CACNA2D2: variants seen among roughly 807,000 people sequenced by gnomAD.
CACNA2D2 encodes the protein voltage-dependent calcium channel subunit alpha-2/delta-2.
A neutral mutation model predicts 166.4 loss-of-function variants in CACNA2D2; 48 were observed. The ratio of observed to expected loss-of-function variants is 0.29; its 90% CI spans 0.23 to 0.37. CACNA2D2 has a LOEUF of 0.37. CACNA2D2 is among the 10% of genes least tolerant of loss of function. The probability of loss-of-function intolerance (pLI) is 1.00; values close to 1 mark genes in which losing one functional copy is unlikely to be tolerated. For missense variants in CACNA2D2, 1,122 were observed against 1,433.0 expected (o/e 0.78, Z 3.50); for synonymous variants, 561 against 573.7 (o/e 0.98, Z 0.32).
At chr3:50,382,637 C>G (rs888370417) in intron 6 of CACNA2D2, among the ~76,000 whole-genome samples, 1 of 152,238 alleles carries the variant, frequency 6.6e-6, no homozygotes, top group Admixed American at 6.5e-5. Context: ...AATTTAGAAA[C>G]TTAGTGAGTT....
At chr3:50,402,592 C>G (rs1280910047) in intron 3 of CACNA2D2, among the ~76,000 whole-genome samples, 1 of 152,220 alleles carries the variant, frequency 6.6e-6, no homozygotes, top group Non-Finnish European at 1.5e-5. Context: ...TCAAGGAACC[C>G]AGAGCTGAAG....
At position 50,365,758 on chromosome 3, in the gene CACNA2D2, G is replaced by A; in HGVS notation, c.2915+52C>T. ...ATGCCATGCCCTACTTCTCTTCTGA[G>A]CCCTCCCGGCCAGGGAGCACCTTCT... On this transcript the variant is annotated intron_variant, in intron 33 of 37. Transcript: ENST00000424201. This position sits in a 1 kb window ranked among gnomAD's most constrained non-coding sequence, Gnocchi z 4.5. 3 of 1,610,930 alleles carry A rather than the reference G, an allele frequency of 1.9e-6. No individual in the cohort carries two copies. In the South Asian group the frequency reaches 3.3e-5, roughly 18 times the overall value.
chr3:50,497,703 C>G (rs1698780236), intron 1 of CACNA2D2, among the ~76,000 whole-genome samples: 1 of 152,138 alleles, frequency 6.6e-6, no homozygotes, highest in Non-Finnish European at 1.5e-5. Flanking sequence ...CAAGAGACCC[C>G]TGTGGGGACC....
At chr3:50,450,847 C>A (rs79183523) in intron 2 of CACNA2D2, among the ~76,000 whole-genome samples, 3 of 152,164 alleles carry the variant, frequency 2.0e-5, no homozygotes, top group Admixed American at 6.5e-5. Flanking sequence ...CCACACTGGC[C>A]GATGTCACGG....
chr3:50,475,642 C>A (rs1398287852), intron 2 of CACNA2D2, among the ~76,000 whole-genome samples: 1 of 152,204 alleles, frequency 6.6e-6, no homozygotes, highest in Non-Finnish European at 1.5e-5. Context: ...ATCACCCCTC[C>A]CACACCTTGA....
chr3:50,467,565 A>G (rs938253759), intron 2 of CACNA2D2, among the ~76,000 whole-genome samples: 5 of 152,090 alleles, frequency 3.3e-5, no homozygotes, highest in African/African-American at 9.7e-5. Flanking sequence ...GCATACGTAC[A>G]CACCTGCCCG....
chr3:50,503,173 G>C (rs1418051529), intron 1 of CACNA2D2, 45 bp downstream of exon 1: 1 of 1,131,540 alleles, frequency 8.8e-7, no homozygotes, highest in South Asian at 4.4e-5. Context: ...GCAGAGCGGG[G>C]CGCAAGGCTC....
chr3:50,400,430 G>T (rs1706390525), intron 3 of CACNA2D2, among the ~76,000 whole-genome samples: 1 of 152,262 alleles, frequency 6.6e-6, no homozygotes, highest in Admixed American at 6.5e-5. Context: ...GCTTTGTGTG[G>T]ACAGACAGTG....
At chr3:50,424,824 G>A (rs1412750273) in intron 3 of CACNA2D2, among the ~76,000 whole-genome samples, 4 of 152,154 alleles carry the variant, frequency 2.6e-5, no homozygotes, top group East Asian at 3.9e-4. Context: ...GCCCCTGCCC[G>A]GGTCACCATG....
chr3:50,394,571 T>A (rs1706053600), intron 3 of CACNA2D2, among the ~76,000 whole-genome samples: 1 of 152,204 alleles, frequency 6.6e-6, no homozygotes, highest in African/African-American at 2.4e-5. Context: ...CTGACAGCTA[T>A]CCAGAGCTCC....
chr3:50,454,130 T>C (rs1327063825), intron 2 of CACNA2D2, among the ~76,000 whole-genome samples: 1 of 152,196 alleles, frequency 6.6e-6, no homozygotes, highest in African/African-American at 2.4e-5. Flanking sequence ...AGAGGCCTGA[T>C]GGGCCACACA....
rs587687051 is a variant in CACNA2D2 at position 50,390,099 on chromosome 3, G to T, written c.466-2487C>A. ...TCTATCAGCAGTGACCACCTCCTGG[G>T]TTGAGCAACAAGGAGGCAGTATTCT... On this transcript the variant is annotated intron_variant, in intron 4 of 37. Transcript: ENST00000424201. 5.9e-5 allele frequency among the ~76,000 whole-genome samples: 9 copies of T among 152,238 alleles called. No homozygotes were observed. The South Asian group carries it at 1.7e-3, about 28-fold the overall frequency.
At position 50,486,333 on chromosome 3, in the gene CACNA2D2, T is replaced by C. The variant is rs75992293; in HGVS notation, c.207-10134A>G. ...GAGGTGGCAGGACAGACCCTGTCCATGTGTCACCAACCATTCTGGTCAGAT... is the reference window on the plus strand; with the variant it reads ...GAGGTGGCAGGACAGACCCTGTCCACGTGTCACCAACCATTCTGGTCAGAT... On this transcript the variant is annotated intron_variant, in intron 1 of 37. Coordinates refer to ENST00000424201, the MANE Select transcript of CACNA2D2 (RefSeq NM_006030.4). 1.9e-4 allele frequency among the ~76,000 whole-genome samples: 29 copies of C among 152,312 alleles called. 1 individual carries two copies. In the East Asian group the frequency reaches 5.6e-3, roughly 29 times the overall value.
At chr3:50,386,811 T>C (rs587619397) in intron 5 of CACNA2D2, among the ~76,000 whole-genome samples, 2 of 152,308 alleles carry the variant, frequency 1.3e-5, no homozygotes, top group Admixed American at 6.5e-5. Context: ...GAGGGGACTG[T>C]TGGGTCCAAC....
At position 50,367,078 on chromosome 3, in the gene CACNA2D2, G is replaced by A. The variant is rs907174013; in HGVS notation, c.2433C>T (p.Asp811=). The A allele has an allele frequency of 6.2e-7, 1 of 1,613,664 alleles. No individual in the cohort carries two copies. The change falls in exon 28 of 38, where the codon GAC becomes GAT. Residue 811 remains aspartate, a synonymous_variant. Coordinates refer to ENST00000424201, the MANE Select transcript of CACNA2D2 (RefSeq NM_006030.4). This position sits in a 1 kb window ranked among gnomAD's most constrained non-coding sequence, Gnocchi z 6.5. ...ALLRPLELEN[D]TVGILVSTAV... ...CTGTGCTGACGAGGATGCCCACAGT[G>A]TCATTCTCCAGCTCCAGCGGCCTTA...
chr3:50,365,976 C>T lies in CACNA2D2; in HGVS notation c.2862+35G>A, dbSNP rs1704249058. On this transcript the variant is annotated intron_variant, in intron 32 of 37. Coordinates refer to ENST00000424201, the MANE Select transcript of CACNA2D2 (RefSeq NM_006030.4). The surrounding 1 kb of genome is among the most constrained non-coding windows in gnomAD (Gnocchi z 4.5). ...ATCTGTGGGCAGGTCTCCCAGTCCC[C>T]CCCATCTCCAGTCCAGGCATCTCTG... 1 of 1,610,518 alleles carries T rather than the reference C, an allele frequency of 6.2e-7. No individual in the cohort carries two copies. The highest frequency in any genetic ancestry group is 1.7e-5 in the Admixed American group (1 of 59,926).
chr3:50,485,362 C>A (rs1481233159), intron 1 of CACNA2D2, among the ~76,000 whole-genome samples: 1 of 152,210 alleles, frequency 6.6e-6, no homozygotes, highest in Non-Finnish European at 1.5e-5. Context: ...AACTGAGCCA[C>A]CCTAGTGGTT....
intron 2 of CACNA2D2, among the ~76,000 whole-genome samples, chr3:50,460,282 A>C (rs1298036511): frequency 3.3e-5 from 5 of 152,240 alleles, no homozygotes; most frequent in African/African-American, 4.8e-5. Context: ...TTTGGTTTAC[A>C]ATACTGTGCC....
At chr3:50,457,215 AC>A (rs1222195691) in intron 2 of CACNA2D2, among the ~76,000 whole-genome samples, 6 of 152,162 alleles carry the variant, frequency 3.9e-5, no homozygotes, top group Non-Finnish European at 8.8e-5. Context: ...GCACCACTGC[AC>A]TCCAGCCTGG....
Sources: allele counts gnomAD v4.1 joint callset (sites outside exome capture counted in the v4.1 genomes callset), GRCh38; gene constraint gnomAD v4.1.1; non-coding constraint Gnocchi (gnomAD v3.1); transcripts MANE v1.5; gene names NCBI Gene and HGNC (gene_info 2026-07-23, HGNC 2026-07-21).